TBC1D8: variants seen among roughly 807,000 people sequenced by gnomAD.
TBC1D8 encodes TBC1 domain family member 8, also known as BUB2-like protein 1.
Under a neutral mutation model 118.8 loss-of-function variants are expected in TBC1D8, and 65 were observed. That is an observed-to-expected ratio of 0.55 (90% CI 0.45 to 0.67). The LOEUF is 0.67. TBC1D8 is among the 30% of genes least tolerant of loss of function. The probability of loss-of-function intolerance (pLI) is 0.00; values close to 1 mark genes in which losing one functional copy is unlikely to be tolerated. For missense variants in TBC1D8, 1,376 were observed against 1,471.2 expected (o/e 0.94, Z 1.06); for synonymous variants, 566 against 595.8 (o/e 0.95, Z 0.73).
chr2:101,054,681 T>G lies in TBC1D8; in HGVS notation c.403-345A>C, dbSNP rs1223107254. Among the ~76,000 whole-genome samples, 11 of 121,716 alleles carry G rather than the reference T, an allele frequency of 9.0e-5. No individual in the cohort carries two copies. The South Asian group carries it at 1.2e-3, about 14-fold the overall frequency. The allele number at this position is 121,716 out of a possible 152,430, so 79.9% of individuals were successfully genotyped here. ...CATTTTCTTTTCTTTTCTTTTTTTT[T>G]TTTTTTTTTTTTTTTTTGGAGACGG... On this transcript the variant is annotated intron_variant, in intron 3 of 19. Coordinates refer to ENST00000409318, the MANE Select transcript of TBC1D8 (RefSeq NM_001330348.2).
chr2:101,069,078 T>C (rs996031968), intron 2 of TBC1D8, among the ~76,000 whole-genome samples: 1 of 140,784 alleles, frequency 7.1e-6, no homozygotes, highest in South Asian at 2.2e-4. Flanking sequence ...GGCGGGTGGA[T>C]CATGAGAGCA....
intron 5 of TBC1D8, among the ~76,000 whole-genome samples, chr2:101,044,636 A>G (rs1334208438): frequency 6.6e-6 from 1 of 152,208 alleles, no homozygotes; most frequent in Admixed American, 6.5e-5. Context: ...GAGGATGGAG[A>G]CCATCCCAGC....
In TBC1D8 at chr2:101,032,400, A is replaced by C; in HGVS notation, c.1819-15T>G. 1 of 1,607,920 alleles carries C rather than the reference A, an allele frequency of 6.2e-7. No individual in the cohort carries two copies. Among genetic ancestry groups the C allele is most frequent in the Non-Finnish European group, 8.5e-7 (1 of 1,174,644 alleles). ...ATGTTCATGGACTGCTCGGGGGTCA[A>C]GGAGGGCAGTTACTGACTGGCCCAT... On this transcript the variant is annotated splice_polypyrimidine_tract_variant and intron_variant, in intron 10 of 19. Coordinates refer to ENST00000409318, the MANE Select transcript of TBC1D8 (RefSeq NM_001330348.2).
intron 1 of TBC1D8, among the ~76,000 whole-genome samples, chr2:101,128,257 C>G (rs1359306374): frequency 6.6e-6 from 1 of 152,156 alleles, no homozygotes; most frequent in Non-Finnish European, 1.5e-5. Flanking sequence ...AATGACTGAA[C>G]AGTAAACCTG....
chr2:101,134,193 TCTCTCACA>T (rs771228027), intron 1 of TBC1D8, among the ~76,000 whole-genome samples: 4,873 of 121,912 alleles, frequency 0.04, 104 homozygotes, highest in East Asian at 0.1. Flanking sequence ...TCTCTCTCTC[TCTCTCACA>T]CACACACACA....
At chr2:101,130,869 G>GT (rs1187072936) in intron 1 of TBC1D8, among the ~76,000 whole-genome samples, 1 of 152,098 alleles carries the variant, frequency 6.6e-6, no homozygotes, top group African/African-American at 2.4e-5. Flanking sequence ...ATATCTAACT[G>GT]TTATTGACCA....
At chr2:101,056,945 G>A (rs1201976579) in intron 3 of TBC1D8, among the ~76,000 whole-genome samples, 1 of 152,214 alleles carries the variant, frequency 6.6e-6, no homozygotes, top group African/African-American at 2.4e-5. Context: ...TTGGCCAGAG[G>A]AAAGGGAGAT....
chr2:101,033,582 C>G lies in TBC1D8; in HGVS notation c.1780G>C (p.Ala594Pro), dbSNP rs1680806729. 1 of 1,613,746 alleles carries G rather than the reference C, an allele frequency of 6.2e-7. No homozygotes were observed. Among genetic ancestry groups the G allele is most frequent in the African/African-American group, 1.3e-5 (1 of 74,868 alleles). Reference sequence around the variant, plus strand: ...ATCTTGGGGTTCCGGTGGGCATAGGCCGTCAAGACTCTCCTCAAAGCAGCA... The same window carrying G: ...ATCTTGGGGTTCCGGTGGGCATAGGGCGTCAAGACTCTCCTCAAAGCAGCA... ...GIAALRRVLT[A>P]YAHRNPKIGY... Residue 594 changes from alanine (A) to proline (P), a missense_variant, in exon 10 of 20, where the codon GCC becomes CCC. Coordinates refer to ENST00000409318, the MANE Select transcript of TBC1D8 (RefSeq NM_001330348.2).
At chr2:101,091,210 A>G (rs570963488) in intron 1 of TBC1D8, among the ~76,000 whole-genome samples, 81 of 152,262 alleles carry the variant, frequency 5.3e-4, no homozygotes, top group Admixed American at 1.8e-3. Flanking sequence ...GCTTGATCCC[A>G]GCAGGTGGAG....
intron 17 of TBC1D8, among the ~76,000 whole-genome samples, chr2:101,012,689 T>G (rs1276216172): frequency 6.6e-6 from 1 of 151,882 alleles, no homozygotes; most frequent in Admixed American, 6.6e-5. Flanking sequence ...GCGTGAAATA[T>G]ATCTCAATAA....
intron 1 of TBC1D8, among the ~76,000 whole-genome samples, chr2:101,145,179 G>A (rs973457605): frequency 2.6e-5 from 4 of 152,100 alleles, no homozygotes; most frequent in African/African-American, 7.2e-5. Flanking sequence ...GACACAGTCC[G>A]TGCCTTGTTT....
In TBC1D8 at chr2:101,026,439, A is replaced by C. The variant is rs371232750; in HGVS notation, c.2520+944T>G. Reference sequence around the variant, plus strand: ...CTAGTTCTCACCATACATCCTGCTCATTAGGAATGAGGAGTGAGGAACCTA... The same window carrying C: ...CTAGTTCTCACCATACATCCTGCTCCTTAGGAATGAGGAGTGAGGAACCTA... On this transcript the variant is annotated intron_variant, in intron 15 of 19. Coordinates refer to ENST00000409318, the MANE Select transcript of TBC1D8 (RefSeq NM_001330348.2). Among the ~76,000 whole-genome samples the C allele has an allele frequency of 7.7e-4, 117 of 152,312 alleles. 2 individuals carry two copies. The highest frequency in any genetic ancestry group is 2.7e-3 in the African/African-American group (112 of 41,564).
intron 8 of TBC1D8, 121 bp downstream of exon 8, chr2:101,037,411 G>A: frequency 7.3e-7 from 1 of 1,370,460 alleles, no homozygotes; most frequent in Non-Finnish European, 9.8e-7. Context: ...ACAAGACGGA[G>A]GAGGAGCGTT....
At chr2:101,026,945 C>T (rs969570291) in intron 15 of TBC1D8, among the ~76,000 whole-genome samples, 3 of 152,184 alleles carry the variant, frequency 2.0e-5, no homozygotes, top group Admixed American at 6.5e-5. Flanking sequence ...TGCATATCTG[C>T]CACACAAATA....
At chr2:101,085,701 G>C (rs1675567183) in intron 2 of TBC1D8, among the ~76,000 whole-genome samples, 1 of 152,136 alleles carries the variant, frequency 6.6e-6, no homozygotes, top group African/African-American at 2.4e-5. Context: ...GAACACTCAA[G>C]GAAGAAAAGA....
intron 3 of TBC1D8, among the ~76,000 whole-genome samples, chr2:101,057,190 C>A (rs574581089): frequency 2.0e-4 from 31 of 152,242 alleles, no homozygotes; most frequent in African/African-American, 7.5e-4. Context: ...AAAAACAGGA[C>A]CTGTTTTTAA....
chr2:101,032,568 A>G, intron 10 of TBC1D8, 183 bp from the exon 11 acceptor site: 1 of 548,558 alleles, frequency 1.8e-6, no homozygotes, highest in South Asian at 2.5e-5. Context: ...TCCTCACAGG[A>G]CACGCCCAGC....
rs149715868 is a variant in TBC1D8 at position 101,090,351 on chromosome 2, G to A, written c.141C>T (p.Gly47=). 5.5e-4 allele frequency: 885 copies of A among 1,613,982 alleles called. 5 individuals carry two copies. In the African/African-American group the frequency reaches 0.011, roughly 20 times the overall value. The part of the protein sequence containing the change: ...GGGRLTGRLV[G]ALDAVLDSNA... ...TGGAATCCAACACTGCATCCAGAGCGCCGACCAGGCGACCTTCAAAAGAAA... is the reference window on the plus strand; with the variant it reads ...TGGAATCCAACACTGCATCCAGAGCACCGACCAGGCGACCTTCAAAAGAAA... The change falls in exon 2 of 20, where the codon GGC becomes GGT. Residue 47 remains glycine (G), a synonymous_variant. Transcript: ENST00000409318.
intron 14 of TBC1D8, 71 bp downstream of exon 14, chr2:101,027,977 C>A (rs1201274553): frequency 8.5e-6 from 12 of 1,403,964 alleles, no homozygotes; most frequent in African/African-American, 1.4e-5. Context: ...TTCTTATGAC[C>A]AAAAAGGATG....
Sources: allele counts gnomAD v4.1 joint callset (sites outside exome capture counted in the v4.1 genomes callset), GRCh38; gene constraint gnomAD v4.1.1; transcripts MANE v1.5; gene names NCBI Gene and HGNC (gene_info 2026-07-23, HGNC 2026-07-21).